The following ENDOG variants were observed in gnomAD, a reference collection of about 807,000 sequenced individuals.
ENDOG encodes endonuclease G.
ENDOG carries 22 observed loss-of-function variants against 22.6 expected under a neutral mutation model. The ratio of observed to expected loss-of-function variants is 0.97; its 90% CI spans 0.70 to 1.39. The LOEUF (loss-of-function observed/expected upper bound fraction) is 1.39. Among genes scored for constraint, ENDOG ranks in the 40% most tolerant of loss-of-function variants. The probability of loss-of-function intolerance (pLI) is 0.00; values close to 1 mark genes in which losing one functional copy is unlikely to be tolerated. For missense variants in ENDOG, 403 were observed against 431.3 expected (o/e 0.93, Z 0.58); for synonymous variants, 173 against 200.2 (o/e 0.86, Z 1.15).
chr9:128,820,481 G>A, intron 1 of ENDOG: 1 of 487,718 alleles, frequency 2.1e-6, no homozygotes, highest in Non-Finnish European at 3.7e-6. Flanking sequence ...GTGGAGACAG[G>A]CTCTTCCTTC....
Position 128,818,680 on chromosome 9 carries a change from C to CG in ENDOG, c.-3dup, listed in dbSNP as rs1830043549. 1 of 1,165,206 alleles carries CG rather than the reference C, an allele frequency of 8.6e-7. No individual in the cohort carries two copies. The highest frequency in any genetic ancestry group is 1.1e-6 in the Non-Finnish European group (1 of 945,318). 72.2% of individuals were successfully genotyped at this position (1,165,206 alleles called of 1,614,324 possible). ...GGTCGCCCGCCGCTAGGTCGCTCCC[C>CG]GGCCATGCGGGCGCTGCGGGCCGGC... On this transcript the variant is annotated 5_prime_UTR_variant, in exon 1 of 3. Coordinates refer to ENST00000372642, the MANE Select transcript of ENDOG (RefSeq NM_004435.2).
At position 128,821,401 on chromosome 9, in the gene ENDOG, C is replaced by A. The variant is rs111437212; in HGVS notation, c.611+553C>A. On this transcript the variant is annotated intron_variant, in intron 2 of 2. Coordinates refer to ENST00000372642, the MANE Select transcript of ENDOG (RefSeq NM_004435.2). ...GCTCTCCCGCCTTCCCCATGCAGGTCCCCAGTGCACCGAGCTCTCATGCCT... is the reference window on the plus strand; with the variant it reads ...GCTCTCCCGCCTTCCCCATGCAGGTACCCAGTGCACCGAGCTCTCATGCCT... 569 of 164,988 alleles carry A rather than the reference C, an allele frequency of 3.4e-3. 8 individuals carry two copies. Among genetic ancestry groups the A allele is most frequent in the African/African-American group, 0.013 (546 of 41,046 alleles). 10.2% of individuals were successfully genotyped at this position (164,988 alleles called of 1,614,324 possible).
rs1830098500 is a variant in ENDOG, at chr9:128,820,863, A to G, written c.611+15A>G. On this transcript the variant is annotated intron_variant, in intron 2 of 2. Transcript: ENST00000372642. ...TTCCTGCCCAGGTAAGGTGGAAACC[A>G]GGGGGGCGGCAGAACCTCCCACTCA... The G allele has an allele frequency of 3.1e-6, 5 of 1,593,554 alleles. No individual in the cohort carries two copies. The highest frequency in any genetic ancestry group is 1.3e-5 in the African/African-American group (1 of 74,586).
chr9:128,820,616 T>A (rs993045623), intron 1 of ENDOG, 123 bp from the exon 2 acceptor site: 3 of 771,806 alleles, frequency 3.9e-6, no homozygotes, highest in African/African-American at 1.7e-5. Context: ...AGCCTCAGTT[T>A]CCCCCCGCTT....
Position 128,818,951 on chromosome 9 carries a change from C to T in ENDOG, c.267C>T (p.Thr89=), listed in dbSNP as rs1228253517. The change falls in exon 1 of 3, where the codon ACC becomes ACT. Residue 89 remains threonine (T), a synonymous_variant. Transcript: ENST00000372642. Reference sequence around the variant, plus strand: ...ACGTGCTGTGCTACGACCCGCGCACCCGCGGCGCGCTCTGGGTGGTGGAGC... The same window carrying T: ...ACGTGCTGTGCTACGACCCGCGCACTCGCGGCGCGCTCTGGGTGGTGGAGC... ...ESYVLCYDPR[T]RGALWVVEQL... 1.3e-6 allele frequency: 2 copies of T among 1,492,578 alleles called. No individual in the cohort carries two copies. Among genetic ancestry groups the T allele is most frequent in the Admixed American group, 4.4e-5 (2 of 45,564 alleles). The allele number at this position is 1,492,578 out of a possible 1,614,324, so 92.5% of individuals were successfully genotyped here. A position where few individuals can be genotyped will look rare whatever the true frequency, so the allele number is the denominator to read the frequency against.
Position 128,818,856 on chromosome 9 carries a change from C to A in ENDOG, c.172C>A (p.Pro58Thr). ...AAELPPVPGG[P>T]RGPGELAKYG... ...CGAGTTGCCCCCTGTGCCCGGGGGACCCCGCGGCCCGGGCGAGCTGGCCAA... is the reference window on the plus strand; with the variant it reads ...CGAGTTGCCCCCTGTGCCCGGGGGAACCCGCGGCCCGGGCGAGCTGGCCAA... Residue 58 changes from proline to threonine, a missense_variant, in exon 1 of 3, where the codon CCC becomes ACC. Coordinates refer to ENST00000372642, the MANE Select transcript of ENDOG (RefSeq NM_004435.2). 1 of 1,402,600 alleles carries A rather than the reference C, an allele frequency of 7.1e-7. No homozygotes were observed. The highest frequency in any genetic ancestry group is 9.2e-7 in the Non-Finnish European group (1 of 1,084,402). The allele number at this position is 1,402,600 out of a possible 1,614,324, so 86.9% of individuals were successfully genotyped here.
chr9:128,819,154 A>C lies in ENDOG; in HGVS notation c.470A>C (p.Asp157Ala), dbSNP rs1192770654. The C allele has an allele frequency of 1.3e-6, 2 of 1,517,048 alleles. No homozygotes were observed. The highest frequency in any genetic ancestry group is 8.8e-7 in the Non-Finnish European group (1 of 1,135,580). The allele number at this position is 1,517,048 out of a possible 1,614,324, so 94.0% of individuals were successfully genotyped here. A position where few individuals can be genotyped will look rare whatever the true frequency, so the allele number is the denominator to read the frequency against. ...CGCTGGAGCCAGAAGGCCATGGACG[A>C]CACGTTCTACCTGAGCAACGTCGCG... ...NHRWSQKAMD[D>A]TFYLSNVAPQ... Residue 157 changes from aspartate (D) to alanine (A), a missense_variant, in exon 1 of 3, where the codon GAC becomes GCC. Transcript: ENST00000372642.
Position 128,818,542 on chromosome 9 carries a change from C to T in ENDOG, c.-143C>T. 1 of 967,240 alleles carries T rather than the reference C, an allele frequency of 1.0e-6. No homozygotes were observed. Among genetic ancestry groups the T allele is most frequent in the Non-Finnish European group, 1.3e-6 (1 of 795,196 alleles). 59.9% of individuals were successfully genotyped at this position (967,240 alleles called of 1,614,324 possible). ...GCTGCTCCCTTCTGGGTTCCGAGGC[C>T]CAAGCCCTTGGCAGTGTTTGTGAGT... On this transcript the variant is annotated 5_prime_UTR_variant, in exon 1 of 3. Transcript: ENST00000372642.
chr9:128,819,008 C>A lies in ENDOG; in HGVS notation c.324C>A (p.Gly108=). The A allele has an allele frequency of 2.7e-6, 4 of 1,483,204 alleles. No individual in the cohort carries two copies. Among genetic ancestry groups the A allele is most frequent in the Non-Finnish European group, 3.6e-6 (4 of 1,124,888 alleles). 91.9% of individuals were successfully genotyped at this position (1,483,204 alleles called of 1,614,324 possible). A position where few individuals can be genotyped will look rare whatever the true frequency, so the allele number is the denominator to read the frequency against. ...GACCCGAGCGTCTCCGCGGCGACGG[C>A]GACCGGCGCGAGTGCGACTTCCGCG... ...QLRPERLRGD[G]DRRECDFRED... is the part of the protein sequence containing the mutation. Residue 108 remains glycine, a synonymous_variant, in exon 1 of 3, where the codon GGC becomes GGA. Coordinates refer to ENST00000372642, the MANE Select transcript of ENDOG (RefSeq NM_004435.2).
intron 2 of ENDOG, chr9:128,822,074 C>G: frequency 1.8e-6 from 1 of 555,138 alleles, no homozygotes; most frequent in East Asian, 3.1e-5. Flanking sequence ...GCTCGATTCT[C>G]CTAGCAGCGT....
In ENDOG at chr9:128,818,595, GC is replaced by G; in HGVS notation, c.-86del. The G allele has an allele frequency of 9.5e-7, 1 of 1,053,076 alleles. No individual in the cohort carries two copies. The highest frequency in any genetic ancestry group is 1.1e-6 in the Non-Finnish European group (1 of 873,696). 65.2% of individuals were successfully genotyped at this position (1,053,076 alleles called of 1,614,324 possible). ...AAGGGAGGTCACGCTATCGTCCGCG[GC>G]CCCAGCAGCCCTGTGCCCTCGTTGG... On this transcript the variant is annotated 5_prime_UTR_variant, in exon 1 of 3. Transcript: ENST00000372642.
At position 128,822,341 on chromosome 9, in the gene ENDOG, G is replaced by A. The variant is rs753383854; in HGVS notation, c.625G>A (p.Gly209Arg). ...PLFLPRTEAD[G>R]KSYVKYQVIG... ...GTCTGCCCACAGGACAGAGGCTGAT[G>A]GGAAATCCTACGTAAAGTACCAGGT... Residue 209 changes from glycine (G) to arginine (R), a missense_variant, in exon 3 of 3, where the codon GGG becomes AGG. Coordinates refer to ENST00000372642, the MANE Select transcript of ENDOG (RefSeq NM_004435.2). 5 of 1,613,610 alleles carry A rather than the reference G, an allele frequency of 3.1e-6. No individual in the cohort carries two copies. The East Asian group carries it at 8.9e-5, about 29-fold the overall frequency.
chr9:128,821,895 G>T, intron 2 of ENDOG: 1 of 199,602 alleles, frequency 5.0e-6, no homozygotes, highest in Non-Finnish European at 1.0e-5. Flanking sequence ...CTAGGGCCTG[G>T]TGGAAGGGAG....
rs746773001 is a variant in ENDOG at position 128,822,557 on chromosome 9, A to G, written c.841A>G (p.Asn281Asp). The G allele has an allele frequency of 9.0e-6, 14 of 1,563,702 alleles. No homozygotes were observed. Among genetic ancestry groups the G allele is most frequent in the Non-Finnish European group, 1.2e-5 (14 of 1,153,786 alleles). ...GGCTTCGGGGCTGCTCTTTGTGCCA[A>G]ACATCCTGGCGCGGGCAGGCAGCCT... ...ERASGLLFVP[N>D]ILARAGSLKA... The change falls in exon 3 of 3, where the codon AAC becomes GAC. Residue 281 changes from asparagine (N) to aspartate (D), a missense_variant. Coordinates refer to ENST00000372642, the MANE Select transcript of ENDOG (RefSeq NM_004435.2).
chr9:128,820,431 C>G (rs892063031), intron 1 of ENDOG: 5 of 328,270 alleles, frequency 1.5e-5, no homozygotes, highest in Admixed American at 8.7e-5. Context: ...CCAGGAGACC[C>G]TGGGTGGGGC....
chr9:128,822,649 G>T lies in ENDOG; in HGVS notation c.*39G>T. On this transcript the variant is annotated 3_prime_UTR_variant, in exon 3 of 3. Coordinates refer to ENST00000372642, the MANE Select transcript of ENDOG (RefSeq NM_004435.2). ...TGAGACTGTGGGTGTGTGCAGGCCG[G>T]GGAGTATTAAAGGTGGTGATTTTTG... 6.4e-7 allele frequency: 1 copy of T among 1,556,534 alleles called. No homozygotes were observed. Among genetic ancestry groups the T allele is most frequent in the South Asian group, 1.2e-5 (1 of 84,384 alleles).
intron 2 of ENDOG, chr9:128,821,823 T>TCGGC (rs1374633649): frequency 5.9e-6 from 1 of 169,262 alleles, no homozygotes; most frequent in African/African-American, 2.4e-5. Context: ...TGGTAAGGGC[T>TCGGC]CGGCATAGGC....
Position 128,822,331 on chromosome 9 carries a change from A to C in ENDOG, c.615A>C (p.Thr205=), listed in dbSNP as rs760339620. The part of the protein sequence containing the change: ...VCTGPLFLPR[T]EADGKSYVKY... ...GTGTGCCTGGGTCTGCCCACAGGAC[A>C]GAGGCTGATGGGAAATCCTACGTAA... Residue 205 remains threonine (T), a synonymous_variant, in exon 3 of 3, where the codon ACA becomes ACC. Transcript: ENST00000372642. 2 of 1,613,218 alleles carry C rather than the reference A, an allele frequency of 1.2e-6. No individual in the cohort carries two copies. Among genetic ancestry groups the C allele is most frequent in the East Asian group, 4.5e-5 (2 of 44,874 alleles).
chr9:128,821,209 C>CA, intron 2 of ENDOG: 1 of 295,398 alleles, frequency 3.4e-6, no homozygotes, highest in South Asian at 3.6e-5. Flanking sequence ...CGCAGGTCTG[C>CA]AGTGCACCAA....
Sources: gnomAD v4.1 joint callset for allele counts on GRCh38, gnomAD v4.1.1 for gene constraint, MANE v1.5 for transcripts, NCBI Gene and HGNC (gene_info 2026-07-23, HGNC 2026-07-21) for gene names.